Variants in GRM8 observed in about 807,000 individuals in gnomAD.
The protein encoded by GRM8 is metabotropic glutamate receptor 8.
In GRM8, 47 loss-of-function variants were observed where a neutral mutation model predicts 87.2. That is an observed-to-expected ratio of 0.54 (90% CI 0.43 to 0.69). The LOEUF is 0.69. Among genes scored for constraint, GRM8 ranks in the 30% least tolerant of loss-of-function variants. The pLI is 0.00. For missense variants in GRM8, 1,019 were observed against 1,139.2 expected, an observed-to-expected ratio of 0.89 and a Z score of 1.52; for synonymous variants, 396 against 404.5, an observed-to-expected ratio of 0.98 and a Z score of 0.25.
intron 3 of GRM8, among the ~76,000 whole-genome samples, chr7:127,026,613 T>A (rs1816805385): frequency 6.6e-6 from 1 of 152,196 alleles, no homozygotes; most frequent in Non-Finnish European, 1.5e-5. Flanking sequence ...TGATGAGCAT[T>A]TTTTCATGTG....
At chr7:126,705,131 G>A (rs112260579) in intron 7 of GRM8, among the ~76,000 whole-genome samples, 2,320 of 152,170 alleles carry the variant, frequency 0.015, 25 homozygotes, top group Non-Finnish European at 0.023. Flanking sequence ...GATGCTTAGG[G>A]AAAATAGAAA....
intron 7 of GRM8, among the ~76,000 whole-genome samples, chr7:126,692,310 A>G (rs1479518141): frequency 1.3e-5 from 2 of 152,210 alleles, no homozygotes; most frequent in African/African-American, 4.8e-5. Flanking sequence ...TAATTGGGTC[A>G]AACTCTGGAA....
intron 7 of GRM8, among the ~76,000 whole-genome samples, chr7:126,654,370 T>A (rs1804267694): frequency 6.6e-6 from 1 of 152,142 alleles, no homozygotes; most frequent in Non-Finnish European, 1.5e-5. Context: ...TGAAGAAAAA[T>A]GTGATACTTT....
chr7:126,907,549 T>C (rs963302167), intron 3 of GRM8, among the ~76,000 whole-genome samples: 1 of 151,788 alleles, frequency 6.6e-6, no homozygotes, highest in East Asian at 1.9e-4. Flanking sequence ...AGTCAGTGAA[T>C]GAGGGTGAGA....
chr7:127,204,659 A>AT (rs1795802676), intron 2 of GRM8, among the ~76,000 whole-genome samples: 1 of 150,250 alleles, frequency 6.7e-6, no homozygotes, highest in African/African-American at 2.5e-5. Context: ...TTACTGTCCA[A>AT]ATTTTTTTTT....
chr7:126,943,656 C>T (rs1479202165), intron 3 of GRM8, among the ~76,000 whole-genome samples: 2 of 152,154 alleles, frequency 1.3e-5, no homozygotes, highest in African/African-American at 4.8e-5. Flanking sequence ...CAAGGTGAAA[C>T]CTTATCCATT....
chr7:127,030,683 G>A (rs988220470), intron 3 of GRM8, among the ~76,000 whole-genome samples: 6 of 152,054 alleles, frequency 3.9e-5, no homozygotes, highest in Non-Finnish European at 7.4e-5. Flanking sequence ...ACATCCTAAT[G>A]AAACCCATAA....
chr7:126,489,106 C>G (rs1474538776), intron 9 of GRM8, among the ~76,000 whole-genome samples: 2 of 151,958 alleles, frequency 1.3e-5, no homozygotes, highest in Non-Finnish European at 2.9e-5. Flanking sequence ...TAACTGTCCA[C>G]ATAGTATAGA....
chr7:126,588,059 T>C (rs1585138249), intron 8 of GRM8, among the ~76,000 whole-genome samples: 2 of 152,152 alleles, frequency 1.3e-5, no homozygotes, highest in South Asian at 2.1e-4. Flanking sequence ...TCAAGGACAA[T>C]GTAATGGCTT....
chr7:126,814,809 G>A (rs1416672078), intron 6 of GRM8, among the ~76,000 whole-genome samples: 2 of 149,544 alleles, frequency 1.3e-5, no homozygotes, highest in South Asian at 2.1e-4. Context: ...ACAGACTGCT[G>A]TATAGGTCAA....
In GRM8 at chr7:126,516,736, T is replaced by C. The variant is rs144997988; in HGVS notation, c.2430+16216A>G. Among the ~76,000 whole-genome samples the C allele has an allele frequency of 1.3e-3, 193 of 152,224 alleles. 2 individuals are homozygous for C. Among genetic ancestry groups the C allele is most frequent in the African/African-American group, 4.4e-3 (183 of 41,570 alleles). On this transcript the variant is annotated intron_variant, in intron 9 of 10. Coordinates refer to ENST00000339582, the MANE Select transcript of GRM8 (RefSeq NM_000845.3). ...AAATAAGCCATGATTTAGGAATTCATAGTATAAGTGGACCAAATAGAAAAT... is the reference window on the plus strand; with the variant it reads ...AAATAAGCCATGATTTAGGAATTCACAGTATAAGTGGACCAAATAGAAAAT...
chr7:126,819,675 T>C (rs147111988), intron 6 of GRM8, among the ~76,000 whole-genome samples: 125 of 152,292 alleles, frequency 8.2e-4, no homozygotes, highest in African/African-American at 3.0e-3. Context: ...TTGTAAAATA[T>C]GAGTAAGACC....
At chr7:126,524,495 T>C (rs960618789) in intron 9 of GRM8, among the ~76,000 whole-genome samples, 1 of 152,204 alleles carries the variant, frequency 6.6e-6, no homozygotes, top group African/African-American at 2.4e-5. Flanking sequence ...AGTGAAAATT[T>C]ACTAAGATGT....
intron 2 of GRM8, chr7:127,228,599 A>C (rs1008551454): frequency 6.6e-6 from 1 of 152,202 alleles, no homozygotes; most frequent in African/African-American, 2.4e-5. Context: ...AAACCTCAAA[A>C]GTCTCTTCCA....
At chr7:126,498,451 C>A (rs1443040354) in intron 9 of GRM8, among the ~76,000 whole-genome samples, 1 of 151,972 alleles carries the variant, frequency 6.6e-6, no homozygotes, top group Non-Finnish European at 1.5e-5. Flanking sequence ...ATTCTGCTTT[C>A]TGCAAGAGTA....
intron 7 of GRM8, among the ~76,000 whole-genome samples, chr7:126,712,759 A>C (rs1811242965): frequency 1.3e-5 from 2 of 152,184 alleles, no homozygotes; most frequent in Non-Finnish European, 1.5e-5. Flanking sequence ...ACAAGAAAAA[A>C]ACCCCATCAA....
intron 2 of GRM8, among the ~76,000 whole-genome samples, chr7:127,198,699 TG>T (rs1178924798): frequency 6.6e-6 from 1 of 151,998 alleles, no homozygotes; most frequent in Non-Finnish European, 1.5e-5. Context: ...GACAGGGTTT[TG>T]CTCTGTCACC....
chr7:126,606,069 G>A (rs971960783), intron 8 of GRM8, among the ~76,000 whole-genome samples: 1 of 152,122 alleles, frequency 6.6e-6, no homozygotes, highest in African/African-American at 2.4e-5. Context: ...CTATTCACAT[G>A]GTAGCACAGG....
At chr7:126,477,792 T>C (rs966507466) in intron 9 of GRM8, among the ~76,000 whole-genome samples, 5 of 152,152 alleles carry the variant, frequency 3.3e-5, no homozygotes, top group Admixed American at 2.0e-4. Context: ...TAGAGTATTG[T>C]GTTACTTTCC....
Sources: gnomAD v4.1 joint callset for allele counts (sites outside exome capture counted in the v4.1 genomes callset) on GRCh38, gnomAD v4.1.1 for gene constraint, MANE v1.5 for transcripts, NCBI Gene and HGNC (gene_info 2026-07-23, HGNC 2026-07-21) for gene names.